The following SLC44A5 variants were observed in gnomAD, a reference collection of about 807,000 sequenced individuals.
SLC44A5 encodes solute carrier family 44 member 5.
A neutral mutation model predicts 101.8 loss-of-function variants in SLC44A5; 57 were observed. The ratio of observed to expected loss-of-function variants is 0.56; its 90% CI spans 0.45 to 0.70. The LOEUF (loss-of-function observed/expected upper bound fraction) is 0.70. Among genes scored for constraint, SLC44A5 ranks in the 30% least tolerant of loss-of-function variants. The probability of loss-of-function intolerance (pLI) is 0.00; values close to 1 mark genes in which losing one functional copy is unlikely to be tolerated. For synonymous variants in SLC44A5, 281 were observed against 290.9 expected (o/e 0.97, Z 0.35); for missense variants, 737 against 853.1 (o/e 0.86, Z 1.70).
chr1:75,648,162 G>A, the SLC44A5 span, among the ~76,000 whole-genome samples: 3 of 152,148 alleles, frequency 2.0e-5, no homozygotes, highest in Non-Finnish European at 4.4e-5. Flanking sequence ...TAGTGAATGA[G>A]TTATGAGATC....
chr1:75,631,539 ATTTTTT>A, the SLC44A5 span, among the ~76,000 whole-genome samples: 11 of 80,848 alleles, frequency 1.4e-4, no homozygotes, highest in East Asian at 1.6e-3. Flanking sequence ...CACCTGGCTA[ATTTTTT>A]TTTTTTTTTT....
At chr1:75,490,604 G>A (rs1009746349) in intron 2 of SLC44A5, among the ~76,000 whole-genome samples, 16 of 152,128 alleles carry the variant, frequency 1.1e-4, no homozygotes, top group Non-Finnish European at 4.4e-5. Context: ...CACTCTCATT[G>A]TCTTTATCCA....
At chr1:75,686,299 A>G in the SLC44A5 span, among the ~76,000 whole-genome samples, 1 of 152,214 alleles carries the variant, frequency 6.6e-6, no homozygotes, top group South Asian at 2.1e-4. Context: ...TAATAAAACA[A>G]GCTGTGAAGA....
chr1:75,409,546 C>T lies in SLC44A5; in HGVS notation c.14-12925G>A, dbSNP rs574199025. On this transcript the variant is annotated intron_variant, in intron 2 of 23. Coordinates refer to ENST00000370859, the MANE Select transcript of SLC44A5 (RefSeq NM_001130058.2). ...AACAGAGAAAGGGCCAGAAAATGGC[C>T]CTACAATACTTCAGTCCAGATAGCA... 9.9e-5 allele frequency among the ~76,000 whole-genome samples: 15 copies of T among 151,614 alleles called. No individual in the cohort carries two copies. In the South Asian group the frequency reaches 3.1e-3, roughly 32 times the overall value.
At chr1:75,641,273 ACT>A in the SLC44A5 span, 1 of 583,580 alleles carries the variant, frequency 1.7e-6, no homozygotes, top group East Asian at 2.9e-5. Context: ...ATTTAAGAAC[ACT>A]TTTGTTAAGA....
rs535023873 is a variant in SLC44A5 at position 75,210,643 on chromosome 1, C to A, written c.2047+825G>T. ...ATTCCACATATCTAGTTCCCAGAGT[C>A]CTGTTACGTCTTCAGTTCTGTTAAC... is the stretch of plus-strand genomic sequence containing the variant. On this transcript the variant is annotated intron_variant, in intron 23 of 23. Coordinates refer to ENST00000370859, the MANE Select transcript of SLC44A5 (RefSeq NM_001130058.2). 2.4e-4 allele frequency among the ~76,000 whole-genome samples: 37 copies of A among 152,192 alleles called. No individual in the cohort carries two copies. In the South Asian group the frequency reaches 7.3e-3, roughly 30 times the overall value.
chr1:75,301,764 A>G (rs1051592241), intron 4 of SLC44A5, among the ~76,000 whole-genome samples: 3 of 152,214 alleles, frequency 2.0e-5, no homozygotes, highest in Admixed American at 2.0e-4. Flanking sequence ...ATGGGTAGTA[A>G]AGTGAGTTCG....
chr1:75,638,981 A>G, the SLC44A5 span, among the ~76,000 whole-genome samples: 1 of 152,074 alleles, frequency 6.6e-6, no homozygotes, highest in Non-Finnish European at 1.5e-5. Flanking sequence ...TCTCACACGT[A>G]TGTGGAATCT....
At chr1:75,723,154 G>A in the SLC44A5 span, among the ~76,000 whole-genome samples, 7 of 152,200 alleles carry the variant, frequency 4.6e-5, no homozygotes, top group Admixed American at 1.3e-4. Flanking sequence ...AACCGGACAC[G>A]GTAGTAGGGT....
At chr1:75,640,784 T>C in the SLC44A5 span, among the ~76,000 whole-genome samples, 1 of 152,124 alleles carries the variant, frequency 6.6e-6, no homozygotes, top group African/African-American at 2.4e-5. Context: ...GTATTACAAT[T>C]GTATGCAGGC....
intron 2 of SLC44A5, among the ~76,000 whole-genome samples, chr1:75,534,987 AC>A (rs1670916318): frequency 6.6e-6 from 1 of 152,154 alleles, no homozygotes; most frequent in South Asian, 2.1e-4. Flanking sequence ...TGGAATAAAA[AC>A]TGACTTGTCA....
At chr1:75,367,206 C>T (rs1183054361) in intron 3 of SLC44A5, among the ~76,000 whole-genome samples, 2 of 152,138 alleles carry the variant, frequency 1.3e-5, no homozygotes, top group South Asian at 2.1e-4. Context: ...TGTTAGGTCC[C>T]CAGGATAATG....
At chr1:75,686,004 G>T in the SLC44A5 span, among the ~76,000 whole-genome samples, 1 of 152,188 alleles carries the variant, frequency 6.6e-6, no homozygotes, top group South Asian at 2.1e-4. Context: ...GGAGAGGGAA[G>T]TGCTGAGTGA....
intron 3 of SLC44A5, among the ~76,000 whole-genome samples, chr1:75,393,631 G>C (rs567313633): frequency 2.3e-4 from 35 of 152,208 alleles, no homozygotes; most frequent in African/African-American, 8.2e-4. Context: ...AATGAAAAAA[G>C]TAATATTGAC....
At chr1:75,403,087 G>A (rs1182021945) in intron 2 of SLC44A5, among the ~76,000 whole-genome samples, 2 of 152,160 alleles carry the variant, frequency 1.3e-5, no homozygotes, top group South Asian at 2.1e-4. Context: ...TGAGAAGTTC[G>A]AACTGGGTGG....
At chr1:75,602,130 T>C (rs1435326606) in intron 1 of SLC44A5, among the ~76,000 whole-genome samples, 1 of 152,174 alleles carries the variant, frequency 6.6e-6, no homozygotes, top group Non-Finnish European at 1.5e-5. Context: ...TGAAAATGGG[T>C]TGTTTTCCCA....
At chr1:75,500,061 T>A (rs1287285343) in intron 2 of SLC44A5, among the ~76,000 whole-genome samples, 1 of 152,184 alleles carries the variant, frequency 6.6e-6, no homozygotes, top group Admixed American at 6.5e-5. Context: ...GGCCAAGATG[T>A]CCAAATGGCC....
the SLC44A5 span, among the ~76,000 whole-genome samples, chr1:75,663,917 C>T: frequency 6.6e-6 from 1 of 152,068 alleles, no homozygotes; most frequent in Admixed American, 6.6e-5. Flanking sequence ...CGACAAAATA[C>T]CAGCAAACTG....
At chr1:75,550,108 A>G (rs1671858833) in intron 1 of SLC44A5, among the ~76,000 whole-genome samples, 1 of 152,184 alleles carries the variant, frequency 6.6e-6, no homozygotes, top group African/African-American at 2.4e-5. Context: ...AAAGACATGT[A>G]TACAAATGTT....
Sources: allele counts gnomAD v4.1 joint callset (sites outside exome capture counted in the v4.1 genomes callset), GRCh38; gene constraint gnomAD v4.1.1; transcripts MANE v1.5; gene names NCBI Gene and HGNC (gene_info 2026-07-23, HGNC 2026-07-21).